Variants in CACNB2 observed in about 807,000 individuals in gnomAD.
CACNB2 encodes voltage-dependent L-type calcium channel subunit beta-2.
Under a neutral mutation model 73.3 loss-of-function variants are expected in CACNB2, and 42 were observed. The ratio of observed to expected loss-of-function variants is 0.57; its 90% CI spans 0.45 to 0.74. CACNB2 has a LOEUF of 0.74. Ranked by LOEUF, CACNB2 falls within the 30% of genes least tolerant of loss-of-function variation. The pLI is 0.00. For missense variants in CACNB2, 940 were observed against 853.0 expected (o/e 1.10, Z -1.27); for synonymous variants, 348 against 310.3 (o/e 1.12, Z -1.28).
chr10:18,247,173 G>A (rs1236596303), intron 2 of CACNB2, among the ~76,000 whole-genome samples: 1 of 152,120 alleles, frequency 6.6e-6, no homozygotes, highest in Non-Finnish European at 1.5e-5. Flanking sequence ...CCCCTTCTAA[G>A]TAGCAACCTC....
chr10:18,362,907 T>TA (rs11353752), intron 2 of CACNB2, among the ~76,000 whole-genome samples: 23 of 151,428 alleles, frequency 1.5e-4, no homozygotes, highest in African/African-American at 2.7e-4. Context: ...AAACTCTGTT[T>TA]AAAAAAAAAC....
At chr10:18,322,229 T>C (rs1326166774) in intron 2 of CACNB2, among the ~76,000 whole-genome samples, 3 of 152,086 alleles carry the variant, frequency 2.0e-5, no homozygotes, top group Non-Finnish European at 2.9e-5. Context: ...GAGTATTAAC[T>C]CTGATTTCCA....
intron 2 of CACNB2, among the ~76,000 whole-genome samples, chr10:18,207,183 A>T (rs1418852252): frequency 6.6e-6 from 1 of 151,966 alleles, no homozygotes; most frequent in Non-Finnish European, 1.5e-5. Context: ...TAATTTTTGT[A>T]GTTTTGGTAG....
At chr10:18,451,538 A>G (rs910379875) in intron 3 of CACNB2, among the ~76,000 whole-genome samples, 2 of 152,218 alleles carry the variant, frequency 1.3e-5, no homozygotes, top group African/African-American at 4.8e-5. Context: ...GATTTGGTGT[A>G]TATTAGGAAA....
intron 2 of CACNB2, among the ~76,000 whole-genome samples, chr10:18,383,742 G>A (rs970057989): frequency 6.6e-6 from 1 of 152,086 alleles, no homozygotes. Context: ...ATCTTGCTCT[G>A]TTGCCCAGGC....
intron 2 of CACNB2, among the ~76,000 whole-genome samples, chr10:18,298,501 T>C (rs2039371422): frequency 6.6e-6 from 1 of 152,216 alleles, no homozygotes; most frequent in Admixed American, 6.5e-5. Flanking sequence ...GGTGAGGCCG[T>C]AAGGGCCCAG....
intron 3 of CACNB2, among the ~76,000 whole-genome samples, chr10:18,403,399 A>G (rs989181263): frequency 1.3e-5 from 2 of 152,224 alleles, no homozygotes; most frequent in African/African-American, 4.8e-5. Flanking sequence ...TATATTTTGC[A>G]TTGTGTGTAA....
intron 2 of CACNB2, among the ~76,000 whole-genome samples, chr10:18,339,888 G>A (rs968798128): frequency 1.3e-5 from 2 of 152,146 alleles, no homozygotes; most frequent in African/African-American, 4.8e-5. Context: ...GAGCTTGACT[G>A]TGGGCCATAG....
intron 9 of CACNB2, among the ~76,000 whole-genome samples, chr10:18,523,782 C>T (rs2052164362): frequency 6.6e-6 from 1 of 152,110 alleles, no homozygotes; most frequent in East Asian, 1.9e-4. Context: ...ATATGACATT[C>T]TAAAAGGGAA....
At chr10:18,533,691 C>G (rs1434889166) in intron 10 of CACNB2, among the ~76,000 whole-genome samples, 1 of 152,168 alleles carries the variant, frequency 6.6e-6, no homozygotes, top group African/African-American at 2.4e-5. Context: ...GAAAACCTGT[C>G]ATGGTTGCTA....
rs546903941 is a variant in CACNB2 at position 18,255,969 on chromosome 10, C to G, written c.213+104994C>G. On this transcript the variant is annotated intron_variant, in intron 2 of 13. Coordinates refer to ENST00000324631, the MANE Select transcript of CACNB2 (RefSeq NM_201596.3). ...TTTAACTCTGACTGTGTTCTTGCCA[C>G]TCCTAACTAATAGTAACATAGAAAG... Among the ~76,000 whole-genome samples the G allele has an allele frequency of 1.2e-3, 178 of 152,314 alleles. 1 individual carries two copies. Among genetic ancestry groups the G allele is most frequent in the South Asian group, 2.3e-3 (11 of 4,826 alleles).
intron 2 of CACNB2, chr10:18,260,824 T>G (rs1023386370): frequency 9.8e-6 from 10 of 1,023,516 alleles, no homozygotes; most frequent in Non-Finnish European, 1.2e-5. Context: ...GCCTCCTGCT[T>G]TTCAAAAGCA....
intron 2 of CACNB2, among the ~76,000 whole-genome samples, chr10:18,297,020 C>T (rs571800014): frequency 1.9e-4 from 29 of 152,274 alleles, no homozygotes; most frequent in East Asian, 3.9e-4. Flanking sequence ...GTAGTGCCAG[C>T]GCATAAAAGT....
At chr10:18,318,996 G>T (rs1246931936) in intron 2 of CACNB2, among the ~76,000 whole-genome samples, 1 of 152,172 alleles carries the variant, frequency 6.6e-6, no homozygotes, top group Non-Finnish European at 1.5e-5. Flanking sequence ...TACACTGTTG[G>T]CGGGAATGTA....
rs55678362 is a variant in CACNB2, at chr10:18,298,241, C to T, written c.214-103683C>T. On this transcript the variant is annotated intron_variant, in intron 2 of 13. Transcript: ENST00000324631. The stretch of plus-strand genomic sequence containing the variant: ...AAAATTAGCTGGGCATGGTGGTGGG[C>T]GCCTGTAACTCCAGCCACTCGGGAG... Among the ~76,000 whole-genome samples the T allele has an allele frequency of 6.7e-4, 102 of 152,030 alleles. 1 individual carries two copies. In the South Asian group the frequency reaches 8.5e-3, roughly 13 times the overall value.
intron 2 of CACNB2, among the ~76,000 whole-genome samples, chr10:18,220,329 AG>A (rs1263677806): frequency 7.0e-6 from 1 of 143,236 alleles, no homozygotes; most frequent in Non-Finnish European, 1.5e-5. Flanking sequence ...GTGTGATCTC[AG>A]CTCATTGCAA....
intron 3 of CACNB2, among the ~76,000 whole-genome samples, chr10:18,480,153 T>C (rs1311633520): frequency 6.6e-6 from 1 of 152,216 alleles, no homozygotes; most frequent in Non-Finnish European, 1.5e-5. Flanking sequence ...AATCCTCAAA[T>C]ATATGTTCAT....
intron 3 of CACNB2, among the ~76,000 whole-genome samples, chr10:18,458,818 G>T (rs12770401): frequency 0.58 from 85,880 of 147,296 alleles, 26,429 homozygotes; most frequent in Non-Finnish European, 0.69. Flanking sequence ...TAGGCTGGAG[G>T]GCAATGGCGT....
At chr10:18,537,136 C>T (rs2053681539) in intron 12 of CACNB2, among the ~76,000 whole-genome samples, 1 of 151,952 alleles carries the variant, frequency 6.6e-6, no homozygotes, top group African/African-American at 2.4e-5. Flanking sequence ...TACAGGCAAA[C>T]GCCACCATGC....
Sources: allele counts gnomAD v4.1 joint callset (sites outside exome capture counted in the v4.1 genomes callset), GRCh38; gene constraint gnomAD v4.1.1; transcripts MANE v1.5; gene names NCBI Gene and HGNC (gene_info 2026-07-23, HGNC 2026-07-21).